The following CREBBP variants were observed in gnomAD, a reference collection of about 807,000 sequenced individuals.
CREBBP encodes CREB-binding protein.
In CREBBP, 19 loss-of-function variants were observed where a neutral mutation model predicts 265.0. That is an observed-to-expected ratio of 0.07 (90% CI 0.05 to 0.11). The LOEUF is 0.11. Ranked by LOEUF, CREBBP falls within the 10% of genes least tolerant of loss-of-function variation. The probability of loss-of-function intolerance (pLI) is 1.00; values close to 1 mark genes in which losing one functional copy is unlikely to be tolerated. For synonymous variants in CREBBP, 1,457 were observed against 1,223.7 expected (o/e 1.19, Z -3.98); for missense variants, 2,525 against 3,219.0 (o/e 0.78, Z 5.22).
Position 3,728,819 on chromosome 16 carries a change from C to A in CREBBP, c.6228G>T (p.Ser2076=), listed in dbSNP as rs759497776. 25 of 1,613,594 alleles carry A rather than the reference C, an allele frequency of 1.5e-5. No individual in the cohort carries two copies. The highest frequency in any genetic ancestry group is 2.1e-5 in the Non-Finnish European group (25 of 1,180,000). ...ALQDLLRTLK[S]PSSPQQQQQV... ...GCTGTTGCTGCTGAGGGGAGCTGGGCGACTTCAGGGTCCGCAGCAGGTCTT... is the reference window on the plus strand; with the variant it reads ...GCTGTTGCTGCTGAGGGGAGCTGGGAGACTTCAGGGTCCGCAGCAGGTCTT... Residue 2076 remains serine, a synonymous_variant, in exon 31 of 31, where the codon TCG becomes TCT. Coordinates refer to ENST00000262367, the MANE Select transcript of CREBBP (RefSeq NM_004380.3). This position sits in a 1 kb window ranked among gnomAD's most constrained non-coding sequence, Gnocchi z 8.7.
At position 3,850,917 on chromosome 16, in the gene CREBBP, C is replaced by G; in HGVS notation, c.178G>C (p.Val60Leu). 1 of 1,614,194 alleles carries G rather than the reference C, an allele frequency of 6.2e-7. No homozygotes were observed. Among genetic ancestry groups the G allele is most frequent in the Non-Finnish European group, 8.5e-7 (1 of 1,180,038 alleles). ...ELGLLNSGNL[V>L]PDAASKHKQL... Reference sequence around the variant, plus strand: ...TTATGTTTGGAAGCAGCATCTGGAACAAGGTTCCCACTGTTTAAAAGGCCT... The same window carrying G: ...TTATGTTTGGAAGCAGCATCTGGAAGAAGGTTCCCACTGTTTAAAAGGCCT... The change falls in exon 2 of 31, where the codon GTT becomes CTT. Residue 60 changes from valine to leucine, a missense_variant. Around this residue, in one of 19 missense-constraint regions of CREBBP, gnomAD observed 356 missense variants for 340.4 expected, o/e 1.05. Coordinates refer to ENST00000262367, the MANE Select transcript of CREBBP (RefSeq NM_004380.3).
chr16:3,847,056 T>C (rs927525705), intron 2 of CREBBP, among the ~76,000 whole-genome samples: 4 of 152,156 alleles, frequency 2.6e-5, no homozygotes, highest in Non-Finnish European at 5.9e-5. Context: ...TAGCAAAAAG[T>C]CAGAAACAAT....
chr16:3,742,105 A>T (rs28532818), intron 23 of CREBBP: 1 of 152,134 alleles, frequency 6.6e-6, no homozygotes, highest in African/African-American at 2.4e-5. Flanking sequence ...AACAAAAAAA[A>T]AACAAAAAAA....
At chr16:3,849,425 GTGTGTGTGTGTGTGTGTGTGTGTGTGT>G (rs1567360068) in intron 2 of CREBBP, among the ~76,000 whole-genome samples, 159 of 10,586 alleles carry the variant, frequency 0.015, 2 homozygotes, top group Non-Finnish European at 0.05. Context: ...GTGTGTGTGT[GTGTGTGTGTGTGTGTGTGTGTGTGTGT>G]GTGTGTGTGT....
intron 30 of CREBBP, among the ~76,000 whole-genome samples, chr16:3,730,330 G>C (rs130006): frequency 0.057 from 8,700 of 152,218 alleles, 641 homozygotes; most frequent in African/African-American, 0.17. Context: ...TATGAAGCCA[G>C]ACAGTGAAAG....
intron 11 of CREBBP, among the ~76,000 whole-genome samples, chr16:3,776,858 G>C (rs2053151236): frequency 6.6e-6 from 1 of 150,558 alleles, no homozygotes; most frequent in African/African-American, 2.4e-5. Context: ...TAAAAAAAAA[G>C]ATACAAAAAA....
chr16:3,743,935 G>T (rs1233998895), intron 23 of CREBBP, among the ~76,000 whole-genome samples: 6 of 152,118 alleles, frequency 3.9e-5, no homozygotes, highest in Admixed American at 6.6e-5. Context: ...AATTAGCTGG[G>T]CAAGGTGGCG....
intron 1 of CREBBP, 109 bp downstream of exon 1, chr16:3,879,723 C>A: frequency 1.6e-6 from 2 of 1,220,778 alleles, no homozygotes; most frequent in South Asian, 2.6e-5. Flanking sequence ...GGGGCCTGCT[C>A]CGAGCTCCCG....
chr16:3,787,070 C>CAAAAAAAAAAAAAAAAAAAA (rs757962926), intron 5 of CREBBP, among the ~76,000 whole-genome samples: 224 of 86,906 alleles, frequency 2.6e-3, no homozygotes, highest in Non-Finnish European at 3.0e-3. Flanking sequence ...GACTTCGTCT[C>CAAAAAAAAAAAAAAAAAAAA]AAAAAAAAAA....
At chr16:3,827,062 T>C (rs1349463859) in intron 2 of CREBBP, among the ~76,000 whole-genome samples, 1 of 152,164 alleles carries the variant, frequency 6.6e-6, no homozygotes, top group African/African-American at 2.4e-5. Flanking sequence ...AGTTGAGGCT[T>C]GAGGATCGCT....
intron 7 of CREBBP, 70 bp downstream of exon 7, chr16:3,781,134 A>G: frequency 7.2e-7 from 1 of 1,394,614 alleles, no homozygotes. Context: ...ATTTAGAAAG[A>G]ATCAGTTTTG....
At position 3,729,362 on chromosome 16, in the gene CREBBP, C is replaced by T. The variant is rs1160745858; in HGVS notation, c.5685G>A (p.Gln1895=). The T allele has an allele frequency of 1.2e-6, 2 of 1,605,974 alleles. No individual in the cohort carries two copies. Among genetic ancestry groups the T allele is most frequent in the Non-Finnish European group, 1.7e-6 (2 of 1,178,810 alleles). Residue 1895 remains glutamine, a synonymous_variant, in exon 31 of 31, where the codon CAG becomes CAA. Transcript: ENST00000262367. ...PTSAPPGTPT[Q]QPSTPQTPQP... ...GCGGCGTCTGGGGTGTGCTGGGCTG[C>T]TGTGTGGGGGTCCCGGGCGGTGCTG...
intron 13 of CREBBP, among the ~76,000 whole-genome samples, chr16:3,773,134 T>C (rs892845396): frequency 6.6e-6 from 1 of 152,010 alleles, no homozygotes; most frequent in African/African-American, 2.4e-5. Context: ...ATTTTATCTT[T>C]TAGGGAGGAT....
rs1350335706 is a variant in CREBBP at position 3,731,968 on chromosome 16, G to A, written c.4729-31C>T. On this transcript the variant is annotated intron_variant, in intron 28 of 30. Transcript: ENST00000262367. This position sits in a 1 kb window ranked among gnomAD's most constrained non-coding sequence, Gnocchi z 7.7. ...ACAACACGCAAGGCTGTGAGACCAG[G>A]CAAGTGCCCCTCCACACTTGGCACG... is the stretch of plus-strand genomic sequence containing the variant. The A allele has an allele frequency of 6.2e-7, 1 of 1,614,052 alleles. No homozygotes were observed. The highest frequency in any genetic ancestry group is 1.7e-5 in the Admixed American group (1 of 60,028).
At chr16:3,763,705 C>A (rs2052777329) in intron 16 of CREBBP, among the ~76,000 whole-genome samples, 1 of 152,184 alleles carries the variant, frequency 6.6e-6, no homozygotes, top group East Asian at 1.9e-4. Context: ...CTCAGGTGAT[C>A]CACCCGCCTC....
rs190588033 is a variant in CREBBP, at chr16:3,844,556, T to G, written c.798+5741A>C. On this transcript the variant is annotated intron_variant, in intron 2 of 30. Coordinates refer to ENST00000262367, the MANE Select transcript of CREBBP (RefSeq NM_004380.3). The stretch of plus-strand genomic sequence containing the variant: ...GACTACAAACCAAAGCTCACATTAT[T>G]CTTAATAACAGAACACTAAATACAC... Among the ~76,000 whole-genome samples, 155 of 152,310 alleles carry G rather than the reference T, an allele frequency of 1.0e-3. 1 individual carries two copies. Among genetic ancestry groups the G allele is most frequent in the East Asian group, 3.9e-4 (2 of 5,190 alleles).
At chr16:3,809,370 G>T (rs1335672305) in intron 3 of CREBBP, among the ~76,000 whole-genome samples, 2 of 152,028 alleles carry the variant, frequency 1.3e-5, no homozygotes, top group Non-Finnish European at 2.9e-5. Flanking sequence ...CAGAGACGGG[G>T]TTTCATCATC....
intron 19 of CREBBP, among the ~76,000 whole-genome samples, chr16:3,752,455 GT>G (rs58414601): frequency 0.11 from 14,750 of 140,056 alleles, 1,550 homozygotes; most frequent in East Asian, 0.29. Context: ...ATTTTTTCCT[GT>G]TTTTTTTTTT....
chr16:3,864,754 A>T (rs1363307935), intron 1 of CREBBP, among the ~76,000 whole-genome samples: 4 of 152,242 alleles, frequency 2.6e-5, no homozygotes, highest in East Asian at 3.9e-4. Context: ...AGTGTTACTC[A>T]TCATAGACTA....
Sources: gnomAD v4.1 joint callset for allele counts (sites outside exome capture counted in the v4.1 genomes callset) on GRCh38, gnomAD v4.1.1 for gene constraint, gnomAD v4.1.1 regional missense constraint, Gnocchi (gnomAD v3.1) non-coding constraint, MANE v1.5 for transcripts, NCBI Gene and HGNC (gene_info 2026-07-23, HGNC 2026-07-21) for gene names.